SNTG2: variants seen among roughly 807,000 people sequenced by gnomAD.
The protein encoded by SNTG2 is syntrophin gamma 2.
SNTG2 carries 74 observed loss-of-function variants against 70.9 expected under a neutral mutation model. The observed-to-expected ratio is 1.04, with a 90% CI of 0.86 to 1.27. The LOEUF (loss-of-function observed/expected upper bound fraction) is 1.27. Among genes scored for constraint, SNTG2 ranks in the 50% most tolerant of loss-of-function variants. The probability of loss-of-function intolerance (pLI) is 0.00; values close to 1 mark genes in which losing one functional copy is unlikely to be tolerated. For missense variants in SNTG2, 717 were observed against 690.7 expected, an observed-to-expected ratio of 1.04 and a Z score of -0.43; for synonymous variants, 278 against 273.8, an observed-to-expected ratio of 1.02 and a Z score of -0.15.
chr2:989,358 T>C (rs1329132137), intron 1 of SNTG2, among the ~76,000 whole-genome samples: 2 of 152,174 alleles, frequency 1.3e-5, no homozygotes, highest in African/African-American at 4.8e-5. Context: ...ACTCAGTAGA[T>C]TGTCAGTTTG....
chr2:1,147,420 T>A (rs1669171719), intron 6 of SNTG2, among the ~76,000 whole-genome samples: 1 of 152,176 alleles, frequency 6.6e-6, no homozygotes, highest in African/African-American at 2.4e-5. Context: ...CAGAAAAATG[T>A]GAAAAGCCTA....
intron 2 of SNTG2, among the ~76,000 whole-genome samples, 156 bp downstream of exon 2, chr2:1,083,811 A>G (rs1003196930): frequency 3.3e-5 from 5 of 152,224 alleles, no homozygotes; most frequent in Non-Finnish European, 2.9e-5. Context: ...CACAAAATAC[A>G]GTTTTTAAGG....
At chr2:1,277,671 T>G (rs1679323413) in intron 14 of SNTG2, among the ~76,000 whole-genome samples, 1 of 152,220 alleles carries the variant, frequency 6.6e-6, no homozygotes, top group Non-Finnish European at 1.5e-5. Flanking sequence ...ACATGAGTTT[T>G]GGTTGGGATA....
chr2:1,333,818 C>A (rs1659657914), intron 16 of SNTG2, among the ~76,000 whole-genome samples: 1 of 152,154 alleles, frequency 6.6e-6, no homozygotes, highest in Non-Finnish European at 1.5e-5. Flanking sequence ...AATCTAAGAC[C>A]TGAAACTATA....
chr2:1,242,663 A>G (rs1677126157), intron 11 of SNTG2: 1 of 152,190 alleles, frequency 6.6e-6, no homozygotes, highest in Admixed American at 6.5e-5. Flanking sequence ...GCTATTGATG[A>G]TGCCTTAATT....
At chr2:1,123,880 A>G (rs1667533285) in intron 4 of SNTG2, among the ~76,000 whole-genome samples, 1 of 152,246 alleles carries the variant, frequency 6.6e-6, no homozygotes, top group Non-Finnish European at 1.5e-5. Context: ...AGGCAGATAC[A>G]GAAAGACAAG....
At chr2:1,109,510 G>C (rs1666302901) in intron 4 of SNTG2, among the ~76,000 whole-genome samples, 1 of 152,110 alleles carries the variant, frequency 6.6e-6, no homozygotes, top group Admixed American at 6.5e-5. Context: ...ATGGGCAAGG[G>C]ACGCATGATT....
At chr2:1,028,825 G>A (rs558528265) in intron 1 of SNTG2, among the ~76,000 whole-genome samples, 1 of 151,132 alleles carries the variant, frequency 6.6e-6, no homozygotes, top group South Asian at 2.1e-4. Flanking sequence ...GATGGGTACT[G>A]TTCCGTTTGT....
intron 12 of SNTG2, chr2:1,256,370 C>T (rs1312540696): frequency 1.3e-5 from 2 of 152,118 alleles, no homozygotes; most frequent in East Asian, 1.9e-4. Flanking sequence ...TAACATTAAG[C>T]TCAATTTAGC....
intron 4 of SNTG2, among the ~76,000 whole-genome samples, chr2:1,132,242 T>TACAC (rs1311549914): frequency 8.6e-6 from 1 of 116,924 alleles, no homozygotes; most frequent in Non-Finnish European, 2.2e-5. Context: ...TGTGTGTATA[T>TACAC]ATATACACAC....
At chr2:1,103,398 T>A (rs940531243) in intron 4 of SNTG2, 1 of 287,632 alleles carries the variant, frequency 3.5e-6, no homozygotes, top group Non-Finnish European at 6.9e-6. Context: ...TTTATTTTTT[T>A]TTTTAGATGG....
chr2:956,132 G>C (rs1572160439), intron 1 of SNTG2, among the ~76,000 whole-genome samples: 1 of 52,982 alleles, frequency 1.9e-5, no homozygotes, highest in African/African-American at 8.8e-5. Flanking sequence ...CCCATGCCCT[G>C]CACCCACCGC....
rs556884778 is a variant in SNTG2 at position 1,191,585 on chromosome 2, G to A, written c.592-17518G>A. Among the ~76,000 whole-genome samples the A allele has an allele frequency of 6.0e-4, 91 of 152,272 alleles. 1 individual carries two copies. The highest frequency in any genetic ancestry group is 1.2e-3 in the East Asian group (6 of 5,168). On this transcript the variant is annotated intron_variant, in intron 8 of 16. Coordinates refer to ENST00000308624, the MANE Select transcript of SNTG2 (RefSeq NM_018968.4). ...CTGAGGTGAACGGATCATGAGGTCA[G>A]GAGATTGAGTCCATCCTGGCTAACA...
At position 979,494 on chromosome 2, in the gene SNTG2, C is replaced by T. The variant is rs775257026; in HGVS notation, c.72+28426C>T. On this transcript the variant is annotated intron_variant, in intron 1 of 16. Transcript: ENST00000308624. ...CAGCCTTGCTGGCCATGTTGGTCAC[C>T]ATGTATCTTTGTGGTTTTTACCACA... is the stretch of plus-strand genomic sequence containing the variant. Among the ~76,000 whole-genome samples, 5 of 152,144 alleles carry T rather than the reference C, an allele frequency of 3.3e-5. No homozygotes were observed. The South Asian group carries it at 8.3e-4, about 25-fold the overall frequency.
chr2:984,710 C>T (rs1161214637), intron 1 of SNTG2, among the ~76,000 whole-genome samples: 3 of 152,118 alleles, frequency 2.0e-5, no homozygotes, highest in East Asian at 1.9e-4. Flanking sequence ...GCCTTAGCTC[C>T]GTGACTCAGG....
At chr2:1,083,470 G>C in intron 1 of SNTG2, 48 bp from the exon 2 acceptor site, 3 of 1,608,440 alleles carry the variant, frequency 1.9e-6, no homozygotes, top group Non-Finnish European at 2.6e-6. Context: ...CCCACCCCTG[G>C]CTCCTGCCCT....
rs532786943 is a variant in SNTG2, at chr2:1,038,368, C to T, written c.73-45150C>T. Among the ~76,000 whole-genome samples, 8 of 152,282 alleles carry T rather than the reference C, an allele frequency of 5.3e-5. 1 individual carries two copies. The South Asian group carries it at 1.7e-3, about 32-fold the overall frequency. On this transcript the variant is annotated intron_variant, in intron 1 of 16. Coordinates refer to ENST00000308624, the MANE Select transcript of SNTG2 (RefSeq NM_018968.4). ...TTCAGACTGGCAAAAATAAAGCCCA[C>T]AGCTAATTGTAGGGGAAAATGTAAT...
intron 1 of SNTG2, among the ~76,000 whole-genome samples, chr2:1,028,754 T>A (rs1233207465): frequency 2.8e-5 from 4 of 145,434 alleles, no homozygotes; most frequent in African/African-American, 1.0e-4. Flanking sequence ...TTTTTTTTTT[T>A]AAATGCTAAT....
At chr2:1,354,780 G>A (rs1272876361) in intron 16 of SNTG2, among the ~76,000 whole-genome samples, 2 of 152,204 alleles carry the variant, frequency 1.3e-5, no homozygotes, top group Non-Finnish European at 2.9e-5. Context: ...TCCACCTGAA[G>A]GGTGTCGCAC....
Sources: allele counts gnomAD v4.1 joint callset (sites outside exome capture counted in the v4.1 genomes callset), GRCh38; gene constraint gnomAD v4.1.1; transcripts MANE v1.5; gene names NCBI Gene and HGNC (gene_info 2026-07-23, HGNC 2026-07-21).